The following CHODL variants were observed in gnomAD, a reference collection of about 807,000 sequenced individuals.
CHODL encodes the protein transmembrane protein MT75.
Under a neutral mutation model 34.5 loss-of-function variants are expected in CHODL, and 29 were observed. That is an observed-to-expected ratio of 0.84 (90% CI 0.63 to 1.15). The LOEUF (loss-of-function observed/expected upper bound fraction) is 1.15. Among genes scored for constraint, CHODL ranks in the 50% most tolerant of loss-of-function variants. CHODL has a pLI of 0.00. For synonymous variants in CHODL, 125 were observed against 116.1 expected (o/e 1.08, Z -0.49); for missense variants, 332 against 332.5 (o/e 1.00, Z 0.01).
chr21:18,235,787 A>G (rs1373036397), intron 2 of CHODL, among the ~76,000 whole-genome samples: 1 of 152,168 alleles, frequency 6.6e-6, no homozygotes, highest in Non-Finnish European at 1.5e-5. Context: ...ATTAAAGGTG[A>G]GACAGAAAAG....
intron 1 of CHODL, among the ~76,000 whole-genome samples, chr21:18,250,849 T>G (rs1219015682): frequency 6.6e-6 from 1 of 151,954 alleles, no homozygotes; most frequent in Admixed American, 6.6e-5. Context: ...GTGGATGCTC[T>G]TTTTTACTTT....
chr21:18,195,724 G>C (rs2073579345), intron 2 of CHODL, among the ~76,000 whole-genome samples: 1 of 151,982 alleles, frequency 6.6e-6, no homozygotes, highest in African/African-American at 2.4e-5. Context: ...ACTTGTTTTG[G>C]GTTTCTTCCC....
chr21:18,264,868 G>A (rs941810891), intron 5 of CHODL, among the ~76,000 whole-genome samples: 2 of 151,998 alleles, frequency 1.3e-5, no homozygotes, highest in Non-Finnish European at 2.9e-5. Context: ...TGAGGCACCA[G>A]TAAGCTTCCA....
intron 5 of CHODL, 148 bp downstream of exon 5, chr21:18,263,041 T>C (rs2074401858): frequency 1.7e-6 from 1 of 574,288 alleles, no homozygotes; most frequent in South Asian, 2.3e-5. Flanking sequence ...ACATTGAGGA[T>C]AGAATTAATG....
At chr21:17,998,392 A>G (rs2063872044) in intron 1 of CHODL, among the ~76,000 whole-genome samples, 1 of 151,978 alleles carries the variant, frequency 6.6e-6, no homozygotes, top group Non-Finnish European at 1.5e-5. Context: ...CTGTTGGTGG[A>G]TCTATCATTT....
intron 2 of CHODL, among the ~76,000 whole-genome samples, chr21:18,219,375 A>G (rs1326102463): frequency 3.3e-5 from 5 of 152,138 alleles, no homozygotes; most frequent in Non-Finnish European, 5.9e-5. Flanking sequence ...GAACAGCAAC[A>G]TGGGGGTAAT....
chr21:18,005,801 G>C (rs2063954887), intron 1 of CHODL, among the ~76,000 whole-genome samples: 1 of 152,090 alleles, frequency 6.6e-6, no homozygotes, highest in Non-Finnish European at 1.5e-5. Flanking sequence ...TGGACACATG[G>C]GGGGAAACAG....
At chr21:18,238,244 T>C (rs2074047711) in intron 2 of CHODL, among the ~76,000 whole-genome samples, 1 of 152,036 alleles carries the variant, frequency 6.6e-6, no homozygotes, top group Admixed American at 6.6e-5. Flanking sequence ...TATTAGTCCA[T>C]TTTCATGCTG....
In CHODL at chr21:18,245,125, C is replaced by T. The variant is rs1026886032; in HGVS notation, c.-99C>T. 5 of 1,054,628 alleles carry T rather than the reference C, an allele frequency of 4.7e-6. No individual in the cohort carries two copies. The highest frequency in any genetic ancestry group is 6.5e-6 in the Non-Finnish European group (5 of 769,860). The allele number at this position is 1,054,628 out of a possible 1,614,324, so 65.3% of individuals were successfully genotyped here. A position where few individuals can be genotyped will look rare whatever the true frequency, so the allele number is the denominator to read the frequency against. On this transcript the variant is annotated 5_prime_UTR_variant, in exon 1 of 6. Coordinates refer to ENST00000299295, the MANE Select transcript of CHODL (RefSeq NM_024944.3). ...CTCGGGCGGCGGGAGTAGGGCCCGG[C>T]AGGGAGGCAGGGAGGCTGCAGAGTC...
intron 2 of CHODL, among the ~76,000 whole-genome samples, chr21:18,211,189 G>C (rs570520801): frequency 7.2e-6 from 1 of 139,512 alleles, no homozygotes; most frequent in South Asian, 2.3e-4. Context: ...CACCCTGGCC[G>C]CATTCCTGCT....
chr21:18,040,129 C>A (rs1408161198), intron 2 of CHODL, among the ~76,000 whole-genome samples: 1 of 151,802 alleles, frequency 6.6e-6, no homozygotes, highest in Admixed American at 6.6e-5. Flanking sequence ...GTTAAAGGCC[C>A]TATTTATCTT....
chr21:18,094,292 C>G (rs1028046573), intron 2 of CHODL, among the ~76,000 whole-genome samples: 7 of 152,096 alleles, frequency 4.6e-5, no homozygotes, highest in Admixed American at 4.6e-4. Context: ...CACCTACATT[C>G]CACATTGGAC....
chr21:18,183,438 T>G (rs2073405577), intron 2 of CHODL, among the ~76,000 whole-genome samples: 1 of 152,230 alleles, frequency 6.6e-6, no homozygotes, highest in Non-Finnish European at 1.5e-5. Context: ...CATGAAGATG[T>G]ACAAAGTAGA....
intron 2 of CHODL, among the ~76,000 whole-genome samples, chr21:18,096,733 T>C (rs1457690420): frequency 1.3e-5 from 2 of 152,186 alleles, no homozygotes; most frequent in African/African-American, 2.4e-5. Flanking sequence ...CTAATTTTGC[T>C]CTGGCCTTGT....
In CHODL at chr21:17,922,199, T is replaced by TA. The variant is rs201880211; in HGVS notation, c.-145+4799_-145+4800insA. 7.9e-3 allele frequency among the ~76,000 whole-genome samples: 1,205 copies of TA among 151,634 alleles called. 17 individuals are homozygous for TA. The highest frequency in any genetic ancestry group is 0.027 in the African/African-American group (1,108 of 41,192). On this transcript the variant is annotated intron_variant, in intron 1 of 6. Transcript: ENST00000400127. ...GGTGATATACCAAGTGGGCCACTGC[T>TA]TATGGCTCTAAAAAAAAAAAAACAC...
chr21:18,159,879 G>A (rs9983581), intron 2 of CHODL, among the ~76,000 whole-genome samples: 136,955 of 152,206 alleles, frequency 0.9, 62,262 homozygotes, highest in Non-Finnish European at 0.96. Context: ...GCCAAGGACT[G>A]TGGGCAGCCT....
intron 2 of CHODL, among the ~76,000 whole-genome samples, chr21:18,133,024 T>C (rs2146596756): frequency 6.6e-6 from 1 of 152,170 alleles, no homozygotes. Context: ...TACTTTGTAC[T>C]CTACAGTGCT....
intron 2 of CHODL, among the ~76,000 whole-genome samples, chr21:18,049,111 A>G (rs1370470964): frequency 1.3e-5 from 2 of 151,944 alleles, no homozygotes; most frequent in Admixed American, 6.6e-5. Flanking sequence ...AGTGTATTCA[A>G]TATAAACAGA....
chr21:18,214,903 G>T (rs1003942714), intron 2 of CHODL, among the ~76,000 whole-genome samples: 1 of 152,042 alleles, frequency 6.6e-6, no homozygotes, highest in East Asian at 1.9e-4. Flanking sequence ...TAATAAGAGT[G>T]TAAAATTAAC....
Sources: gnomAD v4.1 joint callset for allele counts (sites outside exome capture counted in the v4.1 genomes callset) on GRCh38, gnomAD v4.1.1 for gene constraint, MANE v1.5 for transcripts, NCBI Gene and HGNC (gene_info 2026-07-23, HGNC 2026-07-21) for gene names.